GPN1: variants seen among roughly 807,000 people sequenced by gnomAD.
GPN1 encodes the protein ATP(GTP)-binding protein.
A neutral mutation model predicts 55.9 loss-of-function variants in GPN1; 44 were observed. The observed-to-expected ratio is 0.79, with a 90% CI of 0.62 to 1.01. GPN1 has a LOEUF of 1.01. GPN1 is among the 50% of genes least tolerant of loss of function. The pLI is 0.00. For missense variants in GPN1, 466 were observed against 462.8 expected (o/e 1.01, Z -0.06); for synonymous variants, 179 against 162.5 (o/e 1.10, Z -0.77).
intron 12 of GPN1, among the ~76,000 whole-genome samples, chr2:27,646,186 C>T (rs1209469965): frequency 6.6e-6 from 1 of 152,002 alleles, no homozygotes; most frequent in Non-Finnish European, 1.5e-5. Context: ...GGACTACAGG[C>T]ACATGCCACC....
chr2:27,642,585 T>C, intron 12 of GPN1, 66 bp downstream of exon 12: 1 of 1,009,224 alleles, frequency 9.9e-7, no homozygotes, highest in South Asian at 1.4e-5. Context: ...TATTTATTTA[T>C]TTATTTTTGA....
At chr2:27,641,638 T>C (rs766167499) in intron 11 of GPN1, among the ~76,000 whole-genome samples, 1 of 152,186 alleles carries the variant, frequency 6.6e-6, no homozygotes, top group Non-Finnish European at 1.5e-5. Flanking sequence ...CTGTCACCCA[T>C]GCCAGAGTGC....
At chr2:27,640,488 G>A (rs1437708115) in intron 10 of GPN1, among the ~76,000 whole-genome samples, 4 of 152,214 alleles carry the variant, frequency 2.6e-5, no homozygotes, top group Admixed American at 6.5e-5. Context: ...ATTAATGGGC[G>A]TGGCTAGTGT....
At chr2:27,635,299 TC>T in intron 7 of GPN1, 65 bp downstream of exon 7, 3 of 653,310 alleles carry the variant, frequency 4.6e-6, no homozygotes, top group Non-Finnish European at 7.8e-6. Flanking sequence ...TTCTTCTTCC[TC>T]TTTTTTTTTT....
chr2:27,642,433 A>G lies in GPN1; in HGVS notation c.845A>G (p.Asn282Ser). The G allele has an allele frequency of 1.2e-6, 2 of 1,609,640 alleles. No homozygotes were observed. Among genetic ancestry groups the G allele is most frequent in the Non-Finnish European group, 1.7e-6 (2 of 1,175,960 alleles). ...EYERLKKSLA[N>S]AESQQQREQL... ...CATTTTTCTCTGTATATACAGGCCA[A>G]CGCAGAGAGCCAACAGCAGAGAGAA... The change falls in exon 12 of 14, where the codon AAC becomes AGC. Residue 282 changes from asparagine to serine, a missense_variant. Coordinates refer to ENST00000610189, the MANE Select transcript of GPN1 (RefSeq NM_007266.4).
At chr2:27,640,549 G>C (rs1312475152) in intron 10 of GPN1, among the ~76,000 whole-genome samples, 1 of 152,178 alleles carries the variant, frequency 6.6e-6, no homozygotes, top group Non-Finnish European at 1.5e-5. Flanking sequence ...TGGCACTAAG[G>C]TTGTTGTGAA....
Position 27,638,910 on chromosome 2 carries a change from C to T in GPN1, c.596C>T (p.Ala199Val), listed in dbSNP as rs201928902. 3.8e-5 allele frequency: 61 copies of T among 1,613,620 alleles called. No individual in the cohort carries two copies. The highest frequency in any genetic ancestry group is 3.4e-6 in the Non-Finnish European group (4 of 1,179,772). The part of the protein sequence containing the change: ...NKTDIIDHSF[A>V]VEWMQDFEAF... ...ACTGACATCATTGACCACAGCTTTGCAGTGGAATGGATGCAGGATTTTGAG... is the reference window on the plus strand; with the variant it reads ...ACTGACATCATTGACCACAGCTTTGTAGTGGAATGGATGCAGGATTTTGAG... Residue 199 changes from alanine to valine, a missense_variant, in exon 9 of 14, where the codon GCA (alanine) becomes GTA (valine). Transcript: ENST00000610189.
At chr2:27,642,228 C>T in intron 11 of GPN1, 5 of 526,758 alleles carry the variant, frequency 9.5e-6, no homozygotes, top group Non-Finnish European at 1.7e-5. Flanking sequence ...AATCAGTCTG[C>T]AGAGCCCTCC....
At chr2:27,633,012 T>C (rs1673607590) in intron 5 of GPN1, among the ~76,000 whole-genome samples, 1 of 152,218 alleles carries the variant, frequency 6.6e-6, no homozygotes, top group East Asian at 1.9e-4. Flanking sequence ...TAAATGAATA[T>C]AGTCTACATG....
intron 1 of GPN1, chr2:27,629,396 C>G: frequency 1.3e-6 from 2 of 1,551,240 alleles, no homozygotes; most frequent in Non-Finnish European, 1.7e-6. Flanking sequence ...TCCAGCTTAC[C>G]ACGTTGTACA....
At chr2:27,629,403 T>C (rs1340084067) in intron 1 of GPN1, 16 of 1,551,154 alleles carry the variant, frequency 1.0e-5, no homozygotes, top group African/African-American at 1.4e-5. Context: ...TACCACGTTG[T>C]ACAGGAATTG....
In GPN1 at chr2:27,647,858, C is replaced by T; in HGVS notation, c.954C>T (p.His318=). 6.2e-7 allele frequency: 1 copy of T among 1,612,234 alleles called. No homozygotes were observed. The highest frequency in any genetic ancestry group is 1.1e-5 in the South Asian group (1 of 91,036). The change falls in exon 13 of 14, where the codon CAC becomes CAT. Residue 318 remains histidine, a synonymous_variant. Coordinates refer to ENST00000610189, the MANE Select transcript of GPN1 (RefSeq NM_007266.4). ...TAKDSLSPVL[H]PSDLILTRGT... ...TAGACAGCTTATCTCCTGTGCTGCA[C>T]CCTTCTGATTTGATCCTGACTCGAG...
At chr2:27,631,090 T>A in intron 3 of GPN1, 24 bp downstream of exon 3, 1 of 1,236,250 alleles carries the variant, frequency 8.1e-7, no homozygotes, top group Non-Finnish European at 1.2e-6. Flanking sequence ...TCTACTTTGG[T>A]CTTGACTCAT....
rs1472523876 is a variant in GPN1 at position 27,637,126 on chromosome 2, T to G, written c.525-1084T>G. Among the ~76,000 whole-genome samples, 3 of 152,146 alleles carry G rather than the reference T, an allele frequency of 2.0e-5. No homozygotes were observed. The East Asian group carries it at 5.8e-4, about 29-fold the overall frequency. On this transcript the variant is annotated intron_variant, in intron 7 of 13. Coordinates refer to ENST00000610189, the MANE Select transcript of GPN1 (RefSeq NM_007266.4). ...AAACTTTGACTCCCCCCAAACTTAA[T>G]TACTAAAGGCCTACTGTTGATTGGA...
chr2:27,646,117 C>T (rs904184662), intron 12 of GPN1, among the ~76,000 whole-genome samples: 7 of 152,226 alleles, frequency 4.6e-5, no homozygotes, highest in African/African-American at 1.7e-4. Context: ...TCTCGGCTCA[C>T]TGCAACCTCC....
Position 27,642,511 on chromosome 2 carries a change from C to T in GPN1, c.923C>T (p.Thr308Ile). The change falls in exon 12 of 14, where the codon ACT (threonine) becomes ATT (isoleucine). Residue 308 changes from threonine (T) to isoleucine (I), a missense_variant. By Grantham distance (89) the Thr-to-Ile change is moderately conservative. Coordinates refer to ENST00000610189, the MANE Select transcript of GPN1 (RefSeq NM_007266.4). Reference sequence around the variant, plus strand: ...GGTTCTGTAGCCTTGGATGCAGGGACTGCCAAAGGTATTGGAGGGTTTCTT... The same window carrying T: ...GGTTCTGTAGCCTTGGATGCAGGGATTGCCAAAGGTATTGGAGGGTTTCTT... Reference protein sequence around the residue: ...DMGSVALDAGTAKDSLSPVLH... With the variant: ...DMGSVALDAGIAKDSLSPVLH... 6.2e-7 allele frequency: 1 copy of T among 1,600,376 alleles called. No individual in the cohort carries two copies. Among genetic ancestry groups the T allele is most frequent in the Non-Finnish European group, 8.6e-7 (1 of 1,167,632 alleles).
At chr2:27,631,634 C>T in intron 3 of GPN1, 200 bp from the exon 4 acceptor site, 2 of 593,994 alleles carry the variant, frequency 3.4e-6, no homozygotes, top group Non-Finnish European at 6.0e-6. Context: ...CCTGACCACT[C>T]CTTAAATCAA....
intron 7 of GPN1, among the ~76,000 whole-genome samples, 182 bp downstream of exon 7, chr2:27,635,416 T>C (rs1359337370): frequency 6.7e-6 from 1 of 150,178 alleles, no homozygotes; most frequent in Non-Finnish European, 1.5e-5. Flanking sequence ...GAGGCACATG[T>C]GCTGTTGGCA....
rs1443338055 is a variant in GPN1 at position 27,638,980 on chromosome 2, C to T, written c.666C>T (p.Asn222=). The change falls in exon 9 of 14, where the codon AAC becomes AAT. Residue 222 remains asparagine (N), a synonymous_variant. Transcript: ENST00000610189. The stretch of plus-strand genomic sequence containing the variant: ...ATCAAGAGACTACATACGTCAGTAA[C>T]CTGACTCGTTCAATGAGCCTGGTGT... The part of the protein sequence containing the change: ...ALNQETTYVS[N]LTRSMSLVLD... 6.2e-7 allele frequency: 1 copy of T among 1,613,292 alleles called. No homozygotes were observed. The highest frequency in any genetic ancestry group is 8.5e-7 in the Non-Finnish European group (1 of 1,179,348).
Sources: gnomAD v4.1 joint callset for allele counts (sites outside exome capture counted in the v4.1 genomes callset) on GRCh38, gnomAD v4.1.1 for gene constraint, MANE v1.5 for transcripts, NCBI Gene and HGNC (gene_info 2026-07-23, HGNC 2026-07-21) for gene names.